Variants in NLRP5 observed in about 807,000 individuals in gnomAD.
The protein encoded by NLRP5 is NACHT, LRR and PYD domains-containing protein 5.
A neutral mutation model predicts 113.1 loss-of-function variants in NLRP5; 93 were observed. That is an observed-to-expected ratio of 0.82 (90% CI 0.70 to 0.98). The LOEUF is 0.98. Among genes scored for constraint, NLRP5 ranks in the 50% least tolerant of loss-of-function variants. NLRP5 has a pLI of 0.00. For synonymous variants in NLRP5, 751 were observed against 600.7 expected, an observed-to-expected ratio of 1.25 and a Z score of -3.66; for missense variants, 1,808 against 1,514.3, an observed-to-expected ratio of 1.19 and a Z score of -3.22.
chr19:56,013,393 A>T (rs140348349), intron 3 of NLRP5, among the ~76,000 whole-genome samples: 4 of 151,860 alleles, frequency 2.6e-5, no homozygotes, highest in Admixed American at 6.6e-5. Context: ...GGGGTTTCAC[A>T]GTGTTAGCCA....
intron 7 of NLRP5, among the ~76,000 whole-genome samples, chr19:56,029,422 T>C (rs531183557): frequency 6.6e-6 from 1 of 151,834 alleles, no homozygotes; most frequent in Non-Finnish European, 1.5e-5. Flanking sequence ...AGTGCCACCA[T>C]ACCTGGCTAA....
At chr19:56,024,444 TTTATATATAC>T (rs1568489457) in intron 6 of NLRP5, among the ~76,000 whole-genome samples, 5 of 146,712 alleles carry the variant, frequency 3.4e-5, no homozygotes, top group African/African-American at 1.3e-4. Flanking sequence ...TATACATATA[TTTATATATAC>T]GTACATACAT....
At chr19:55,987,804 C>A in the NLRP5 span, 2 of 1,606,170 alleles carry the variant, frequency 1.2e-6, no homozygotes, top group Non-Finnish European at 1.7e-6. Context: ...CTTCCTTTAC[C>A]TCCCTCCAGC....
intron 7 of NLRP5, among the ~76,000 whole-genome samples, chr19:56,031,040 A>T (rs1438242520): frequency 6.6e-6 from 1 of 151,750 alleles, no homozygotes; most frequent in Non-Finnish European, 1.5e-5. Context: ...TTGAGGGCAA[A>T]CCCATGAGGT....
At chr19:56,008,952 G>A (rs1982065378) in intron 3 of NLRP5, 99 bp downstream of exon 3, 1 of 1,041,706 alleles carries the variant, frequency 9.6e-7, no homozygotes, top group Non-Finnish European at 1.5e-6. Flanking sequence ...TGATAGTCTA[G>A]TGTTCTTTCT....
intron 11 of NLRP5, among the ~76,000 whole-genome samples, chr19:56,048,536 A>G (rs56712859): frequency 0.66 from 100,363 of 151,628 alleles, 33,803 homozygotes; most frequent in Non-Finnish European, 0.7. Flanking sequence ...TTCAAGGAAC[A>G]AACAAGGGCC....
rs1555767859 is a variant in NLRP5, at chr19:56,030,714, C to CTTCTTTTTTTTT, written c.2277-1895_2277-1894insCTTTTTTTTTTT. On this transcript the variant is annotated intron_variant, in intron 7 of 14. Coordinates refer to ENST00000390649, the MANE Select transcript of NLRP5 (RefSeq NM_153447.4). ...ACTTACATTCATTCGCTTTCTTCTT[C>CTTCTTTTTTTTT]TTTTTTTTTTTTTTTTTTGAGACGG... 5.3e-3 allele frequency among the ~76,000 whole-genome samples: 377 copies of CTTCTTTTTTTTT among 71,186 alleles called. 1 individual carries two copies. Among genetic ancestry groups the CTTCTTTTTTTTT allele is most frequent in the Admixed American group, 8.4e-3 (41 of 4,898 alleles). 46.7% of individuals were successfully genotyped at this position (71,186 alleles called of 152,430 possible). A position where few individuals can be genotyped will look rare whatever the true frequency, so the allele number is the denominator to read the frequency against.
intron 6 of NLRP5, among the ~76,000 whole-genome samples, chr19:56,022,812 C>T (rs1166801580): frequency 6.6e-6 from 1 of 152,136 alleles, no homozygotes; most frequent in East Asian, 1.9e-4. Flanking sequence ...GCAACCTCCG[C>T]CTCCCAGGTT....
chr19:56,030,818 G>C (rs931048133), intron 7 of NLRP5, among the ~76,000 whole-genome samples: 1 of 143,230 alleles, frequency 7.0e-6, no homozygotes, highest in Non-Finnish European at 1.5e-5. Flanking sequence ...GGGTTCAAGC[G>C]ATTCTCCTGC....
chr19:56,031,410 CTT>C (rs1158437224), intron 7 of NLRP5, among the ~76,000 whole-genome samples: 1 of 151,936 alleles, frequency 6.6e-6, no homozygotes, highest in Non-Finnish European at 1.5e-5. Flanking sequence ...GGGTGGATCA[CTT>C]GAGGTCAGGA....
At chr19:56,001,254 G>A (rs1466927824) in intron 1 of NLRP5, among the ~76,000 whole-genome samples, 1 of 146,986 alleles carries the variant, frequency 6.8e-6, no homozygotes, top group Admixed American at 6.9e-5. Context: ...CAGCCCAGGA[G>A]TTCGAGGCTG....
At chr19:56,006,056 A>G (rs1281879289) in intron 2 of NLRP5, among the ~76,000 whole-genome samples, 3 of 152,190 alleles carry the variant, frequency 2.0e-5, no homozygotes, top group Non-Finnish European at 2.9e-5. Flanking sequence ...CATGAGGTAG[A>G]GAGAAAGAAA....
At chr19:56,057,258 C>T (rs1984191403) in intron 13 of NLRP5, among the ~76,000 whole-genome samples, 1 of 152,198 alleles carries the variant, frequency 6.6e-6, no homozygotes, top group Admixed American at 6.6e-5. Flanking sequence ...TTCAGAGCAG[C>T]TTACGGATTT....
the NLRP5 span, among the ~76,000 whole-genome samples, chr19:55,991,124 T>G: frequency 7.2e-5 from 11 of 152,222 alleles, no homozygotes; most frequent in Non-Finnish European, 1.0e-4. Context: ...TTTGTTTTTC[T>G]GGAGTGAGGA....
the NLRP5 span, chr19:55,987,705 G>GGA: frequency 4.0e-6 from 3 of 744,762 alleles, no homozygotes; most frequent in Non-Finnish European, 7.1e-6. Context: ...AGGTGAGGTG[G>GGA]GAGGGGTACG....
intron 7 of NLRP5, among the ~76,000 whole-genome samples, chr19:56,032,276 CA>C (rs1310218950): frequency 4.7e-5 from 7 of 150,520 alleles, no homozygotes; most frequent in African/African-American, 1.7e-4. Context: ...ACCCAGGAGG[CA>C]GAAGTTGCAG....
chr19:55,994,546 T>TGCCACCA, the NLRP5 span, among the ~76,000 whole-genome samples: 2 of 152,146 alleles, frequency 1.3e-5, no homozygotes, highest in Non-Finnish European at 2.9e-5. Context: ...TTCAGGCACG[T>TGCCACCA]GCCACCACAC....
chr19:56,006,351 C>G (rs542499623), intron 2 of NLRP5, among the ~76,000 whole-genome samples: 3 of 152,124 alleles, frequency 2.0e-5, no homozygotes, highest in African/African-American at 7.2e-5. Flanking sequence ...GTGCAGCACA[C>G]CAACATAGCA....
chr19:56,053,591 A>G, intron 12 of NLRP5, 47 bp from the exon 13 acceptor site: 1 of 1,553,650 alleles, frequency 6.4e-7, no homozygotes, highest in Non-Finnish European at 8.8e-7. Flanking sequence ...CCGCTGTTCC[A>G]CTTTCCTCGA....
Sources: gnomAD v4.1 joint callset for allele counts (sites outside exome capture counted in the v4.1 genomes callset) on GRCh38, gnomAD v4.1.1 for gene constraint, MANE v1.5 for transcripts, NCBI Gene and HGNC (gene_info 2026-07-23, HGNC 2026-07-21) for gene names.